Variants in CCDC83 observed in about 807,000 individuals in gnomAD.
CCDC83 encodes the protein coiled-coil domain containing 83, also known as coiled-coil domain-containing protein 83.
In CCDC83, 54 loss-of-function variants were observed where a neutral mutation model predicts 50.1. The ratio of observed to expected loss-of-function variants is 1.08; its 90% CI spans 0.87 to 1.35. The LOEUF is 1.35. Ranked by LOEUF, CCDC83 falls within the 40% of genes most tolerant of loss-of-function variation. The pLI, the probability that CCDC83 is intolerant of heterozygous loss-of-function variation, is 0.00. For synonymous variants in CCDC83, 161 were observed against 153.3 expected, an observed-to-expected ratio of 1.05 and a Z score of -0.37; for missense variants, 518 against 473.9, an observed-to-expected ratio of 1.09 and a Z score of -0.86.
intron 10 of CCDC83, chr11:85,916,482 T>C: frequency 2.4e-6 from 1 of 415,854 alleles, no homozygotes; most frequent in Non-Finnish European, 4.3e-6. Flanking sequence ...TAATGCTACA[T>C]AACAATCCCC....
At chr11:85,916,650 C>T (rs1209170841) in intron 10 of CCDC83, 3 of 204,366 alleles carry the variant, frequency 1.5e-5, no homozygotes, top group East Asian at 1.8e-4. Flanking sequence ...AAGGCTTGAT[C>T]GGGGCAGGAG....
chr11:85,865,255 A>G (rs1373472115), intron 2 of CCDC83, 37 bp downstream of exon 2: 1 of 1,251,130 alleles, frequency 8.0e-7, no homozygotes, highest in South Asian at 1.2e-5. Context: ...GTTGCCATAG[A>G]TAAAAGGCAG....
intron 8 of CCDC83, among the ~76,000 whole-genome samples, chr11:85,913,947 A>T (rs2093466200): frequency 6.6e-6 from 1 of 152,228 alleles, no homozygotes; most frequent in African/African-American, 2.4e-5. Context: ...TTAATAGAAA[A>T]AGCTAGATTC....
At chr11:85,880,373 A>G (rs897425897) in intron 3 of CCDC83, among the ~76,000 whole-genome samples, 1 of 152,002 alleles carries the variant, frequency 6.6e-6, no homozygotes, top group Non-Finnish European at 1.5e-5. Context: ...TGCAGCCTCA[A>G]CCTTCTGGGC....
At chr11:85,905,345 G>A (rs1467479798) in intron 7 of CCDC83, among the ~76,000 whole-genome samples, 1 of 151,998 alleles carries the variant, frequency 6.6e-6, no homozygotes, top group African/African-American at 2.4e-5. Flanking sequence ...GGGAGGCTGA[G>A]GCAGGAGAAT....
intron 10 of CCDC83, among the ~76,000 whole-genome samples, chr11:85,917,159 A>AGG (rs1229157575): frequency 0.013 from 1,346 of 101,782 alleles, 42 homozygotes; most frequent in African/African-American, 0.047. Flanking sequence ...AGAGAGAGAG[A>AGG]GAGAGAGAGA....
intron 5 of CCDC83, among the ~76,000 whole-genome samples, chr11:85,894,668 G>A (rs146984568): frequency 0.012 from 1,814 of 152,130 alleles, 27 homozygotes; most frequent in Admixed American, 0.033. Context: ...TCACAAGGAC[G>A]GGTTTTTTTT....
intron 8 of CCDC83, among the ~76,000 whole-genome samples, chr11:85,911,610 T>C (rs1162840349): frequency 6.6e-6 from 1 of 152,244 alleles, no homozygotes; most frequent in Non-Finnish European, 1.5e-5. Flanking sequence ...TGTTTTATCT[T>C]GCAATGAACT....
chr11:85,894,503 C>T (rs11234466), intron 5 of CCDC83, among the ~76,000 whole-genome samples: 2,855 of 152,216 alleles, frequency 0.019, 75 homozygotes, highest in African/African-American at 0.066. Flanking sequence ...TGACTCAGTC[C>T]CTGAATGTTA....
At chr11:85,880,256 TTTA>T (rs748378548) in intron 3 of CCDC83, among the ~76,000 whole-genome samples, 1 of 152,146 alleles carries the variant, frequency 6.6e-6, no homozygotes, top group Non-Finnish European at 1.5e-5. Flanking sequence ...TGTTTCTCCA[TTTA>T]TTTAGATCTT....
At chr11:85,899,754 T>C (rs1319475057) in intron 7 of CCDC83, among the ~76,000 whole-genome samples, 5 of 152,206 alleles carry the variant, frequency 3.3e-5, no homozygotes, top group African/African-American at 1.2e-4. Flanking sequence ...TCTGTGCTTA[T>C]TAGTTATTGA....
intron 5 of CCDC83, among the ~76,000 whole-genome samples, chr11:85,890,209 G>A (rs1248199843): frequency 3.3e-5 from 5 of 152,230 alleles, no homozygotes; most frequent in Non-Finnish European, 7.3e-5. Flanking sequence ...AATCTAGGGA[G>A]TAAGTGGCTG....
intron 1 of CCDC83, among the ~76,000 whole-genome samples, chr11:85,862,371 C>T (rs1245774022): frequency 1.3e-5 from 2 of 152,160 alleles, no homozygotes; most frequent in Admixed American, 6.5e-5. Context: ...GAGGAAAACA[C>T]ACATGGCCAC....
At chr11:85,915,644 C>A (rs1204578426) in intron 9 of CCDC83, 146 bp downstream of exon 9, 2 of 608,554 alleles carry the variant, frequency 3.3e-6, no homozygotes, top group African/African-American at 1.9e-5. Flanking sequence ...AATTTCTCCT[C>A]TTGCAGTGCT....
At chr11:85,862,487 T>TTC (rs1457063191) in intron 1 of CCDC83, among the ~76,000 whole-genome samples, 3 of 152,350 alleles carry the variant, frequency 2.0e-5, no homozygotes, top group Non-Finnish European at 4.4e-5. Context: ...TGCAGTGTGC[T>TTC]TCTGTCTTCC....
intron 2 of CCDC83, among the ~76,000 whole-genome samples, chr11:85,866,568 G>A (rs372261050): frequency 7.2e-5 from 11 of 151,874 alleles, no homozygotes; most frequent in African/African-American, 2.2e-4. Context: ...CGGGAGGATT[G>A]CCTGAGCCCA....
intron 7 of CCDC83, among the ~76,000 whole-genome samples, chr11:85,902,356 T>C (rs1464934780): frequency 1.3e-5 from 2 of 152,200 alleles, no homozygotes; most frequent in Non-Finnish European, 2.9e-5. Flanking sequence ...TCTCATGTTT[T>C]CTCAAGAATT....
At position 85,873,253 on chromosome 11, in the gene CCDC83, A is replaced by C; in HGVS notation, c.138A>C (p.Gln46His). Residue 46 changes from glutamine (Q) to histidine (H), a missense_variant, in exon 3 of 11, where the codon CAA becomes CAC. Coordinates refer to ENST00000342404, the MANE Select transcript of CCDC83 (RefSeq NM_001286159.2). ...KEDAVEQFMFQIKTLRKKNQK... is the reference protein window; with the variant it reads ...KEDAVEQFMFHIKTLRKKNQK... ...ATGCCGTGGAGCAATTCATGTTTCA[A>C]ATAAAGACACTTAGGAAAAAGAACC... 2 of 1,565,792 alleles carry C rather than the reference A, an allele frequency of 1.3e-6. No homozygotes were observed. Among genetic ancestry groups the C allele is most frequent in the East Asian group, 4.6e-5 (2 of 43,088 alleles).
chr11:85,891,796 C>T (rs1034392340), intron 5 of CCDC83, among the ~76,000 whole-genome samples: 4 of 152,094 alleles, frequency 2.6e-5, no homozygotes, highest in African/African-American at 9.7e-5. Context: ...ATAATTAGGC[C>T]AGTTTAAAGA....
Sources: allele counts gnomAD v4.1 joint callset (sites outside exome capture counted in the v4.1 genomes callset), GRCh38; gene constraint gnomAD v4.1.1; transcripts MANE v1.5; gene names NCBI Gene and HGNC (gene_info 2026-07-23, HGNC 2026-07-21).